Variants in STPG2 observed in about 807,000 individuals in gnomAD.
The protein encoded by STPG2 is sperm tail PG-rich repeat containing 2.
STPG2 carries 56 observed loss-of-function variants against 54.2 expected under a neutral mutation model. The ratio of observed to expected loss-of-function variants is 1.03; its 90% CI spans 0.83 to 1.29. The LOEUF (loss-of-function observed/expected upper bound fraction) is 1.29. Among genes scored for constraint, STPG2 ranks in the 50% most tolerant of loss-of-function variants. The pLI, the probability that STPG2 is intolerant of heterozygous loss-of-function variation, is 0.00. For missense variants in STPG2, 596 were observed against 544.9 expected, an observed-to-expected ratio of 1.09 and a Z score of -0.93; for synonymous variants, 200 against 181.8, an observed-to-expected ratio of 1.10 and a Z score of -0.81.
chr4:97,787,271 C>A (rs1726855889), intron 9 of STPG2, among the ~76,000 whole-genome samples: 1 of 152,072 alleles, frequency 6.6e-6, no homozygotes, highest in Admixed American at 6.6e-5. Flanking sequence ...GGCATTCCTG[C>A]CATATTCCCA....
chr4:97,570,042 A>C (rs1732559561), intron 10 of STPG2, among the ~76,000 whole-genome samples: 1 of 152,060 alleles, frequency 6.6e-6, no homozygotes, highest in South Asian at 2.1e-4. Context: ...GAAAAACCCA[A>C]ATTGAGAAAC....
intron 10 of STPG2, among the ~76,000 whole-genome samples, chr4:97,621,237 G>A (rs974177169): frequency 2.0e-5 from 3 of 152,050 alleles, no homozygotes; most frequent in African/African-American, 7.2e-5. Flanking sequence ...AGGAACTAGA[G>A]ACACAAGAGC....
intron 10 of STPG2, among the ~76,000 whole-genome samples, chr4:97,628,868 C>T (rs967352002): frequency 2.0e-5 from 3 of 152,006 alleles, no homozygotes; most frequent in Non-Finnish European, 2.9e-5. Flanking sequence ...AGATTAACTT[C>T]GTGCTGGTAA....
chr4:97,654,913 T>C (rs1359357210), intron 10 of STPG2, among the ~76,000 whole-genome samples: 1 of 152,084 alleles, frequency 6.6e-6, no homozygotes, highest in Non-Finnish European at 1.5e-5. Flanking sequence ...AAACTATACA[T>C]GATTTATCAT....
chr4:97,875,426 GA>G (rs970065610), intron 8 of STPG2, among the ~76,000 whole-genome samples: 1 of 138,982 alleles, frequency 7.2e-6, no homozygotes, highest in South Asian at 2.2e-4. Flanking sequence ...GACTCGTAAG[GA>G]AAAAAAACAC....
intron 9 of STPG2, among the ~76,000 whole-genome samples, chr4:97,736,401 C>T (rs938658878): frequency 8.5e-5 from 13 of 152,266 alleles, no homozygotes; most frequent in South Asian, 2.1e-4. Flanking sequence ...CGAAGCAGGG[C>T]GAGGCATTGC....
intron 10 of STPG2, among the ~76,000 whole-genome samples, chr4:97,652,724 C>T (rs192558820): frequency 1.3e-5 from 2 of 151,930 alleles, no homozygotes; most frequent in East Asian, 3.9e-4. Context: ...TCATTAACAC[C>T]TTAATGAATG....
intron 8 of STPG2, among the ~76,000 whole-genome samples, chr4:97,872,429 T>A (rs1399891816): frequency 6.6e-6 from 1 of 151,058 alleles, no homozygotes; most frequent in Non-Finnish European, 1.5e-5. Context: ...GGTAGAAGGA[T>A]ACAAAATTAA....
chr4:97,907,093 G>C (rs569091620), intron 8 of STPG2, among the ~76,000 whole-genome samples: 2 of 152,166 alleles, frequency 1.3e-5, no homozygotes, highest in Admixed American at 6.5e-5. Flanking sequence ...GTTTGCAGAC[G>C]ACATGATTGT....
chr4:98,077,192 A>T (rs1738193333), intron 5 of STPG2, among the ~76,000 whole-genome samples: 1 of 152,036 alleles, frequency 6.6e-6, no homozygotes, highest in Admixed American at 6.6e-5. Flanking sequence ...ACTAGATGTA[A>T]TCCACATAAA....
intron 8 of STPG2, among the ~76,000 whole-genome samples, chr4:97,901,509 T>C (rs1457078057): frequency 6.6e-6 from 1 of 151,930 alleles, no homozygotes; most frequent in African/African-American, 2.4e-5. Context: ...AAAATTAACA[T>C]ACAAAAATCA....
At chr4:97,611,419 C>T (rs1303595141) in intron 10 of STPG2, among the ~76,000 whole-genome samples, 2 of 151,574 alleles carry the variant, frequency 1.3e-5, no homozygotes, top group Non-Finnish European at 2.9e-5. Flanking sequence ...AATAAAAATT[C>T]CAGTAAACAA....
Position 98,143,299 on chromosome 4 carries a change from T to A in STPG2, c.-149A>T. On this transcript the variant is annotated 5_prime_UTR_variant, in exon 1 of 11. Transcript: ENST00000295268. ...GTAAACAGGGAAATTAGGGGTGGGGTTGTCTCCCCGCCCGCTCATTGATAC... is the reference window on the plus strand; with the variant it reads ...GTAAACAGGGAAATTAGGGGTGGGGATGTCTCCCCGCCCGCTCATTGATAC... 1.6e-6 allele frequency: 1 copy of A among 606,592 alleles called. No individual in the cohort carries two copies. The highest frequency in any genetic ancestry group is 2.9e-6 in the Non-Finnish European group (1 of 342,528). The allele number at this position is 606,592 out of a possible 1,614,324, so 37.6% of individuals were successfully genotyped here.
At position 97,447,260 on chromosome 4, in the gene STPG2, G is replaced by A. The variant is rs149280414; in HGVS notation, c.463-259427C>T. Reference sequence around the variant, plus strand: ...ATTGGAACTTACATTTAAAAGGCACGTGGAGCATAAAAGTTTGAAAAATTT... The same window carrying A: ...ATTGGAACTTACATTTAAAAGGCACATGGAGCATAAAAGTTTGAAAAATTT... On this transcript the variant is annotated intron_variant, in intron 4 of 4. Coordinates refer to the STPG2 transcript ENST00000522676. Among the ~76,000 whole-genome samples the A allele has an allele frequency of 3.5e-3, 540 of 152,304 alleles. 3 individuals are homozygous for A. The highest frequency in any genetic ancestry group is 0.012 in the African/African-American group (509 of 41,558).
intron 5 of STPG2, among the ~76,000 whole-genome samples, chr4:98,080,066 A>C (rs1293284455): frequency 6.6e-6 from 1 of 152,150 alleles, no homozygotes; most frequent in Non-Finnish European, 1.5e-5. Flanking sequence ...AGAAAATCTA[A>C]TGTTAAAATA....
At chr4:98,068,849 G>A (rs1737916098) in intron 5 of STPG2, among the ~76,000 whole-genome samples, 1 of 151,956 alleles carries the variant, frequency 6.6e-6, no homozygotes, top group Non-Finnish European at 1.5e-5. Context: ...GCAGGTTACT[G>A]TACTTAATAC....
intron 9 of STPG2, among the ~76,000 whole-genome samples, chr4:97,730,983 G>T (rs745886669): frequency 6.6e-6 from 1 of 152,084 alleles, no homozygotes; most frequent in Non-Finnish European, 1.5e-5. Context: ...ATCCAGATTT[G>T]AATTCCGTAT....
chr4:97,768,854 A>G (rs570128883), intron 9 of STPG2, among the ~76,000 whole-genome samples: 114 of 152,082 alleles, frequency 7.5e-4, no homozygotes, highest in African/African-American at 2.5e-3. Context: ...GGCATGTGCC[A>G]TCATGCCCAG....
chr4:97,845,719 T>A (rs999712128), intron 8 of STPG2, among the ~76,000 whole-genome samples: 1 of 152,166 alleles, frequency 6.6e-6, no homozygotes, highest in Non-Finnish European at 1.5e-5. Context: ...CTGCATTAAA[T>A]TTCAGAAATA....
Sources: gnomAD v4.1 joint callset for allele counts (sites outside exome capture counted in the v4.1 genomes callset) on GRCh38, gnomAD v4.1.1 for gene constraint, MANE v1.5 for transcripts, NCBI Gene and HGNC (gene_info 2026-07-23, HGNC 2026-07-21) for gene names.